ANKS1B: variants seen among roughly 807,000 people sequenced by gnomAD.
ANKS1B encodes the protein ankyrin repeat and sterile alpha motif domain-containing protein 1B.
In ANKS1B, 36 loss-of-function variants were observed where a neutral mutation model predicts 148.3. That is an observed-to-expected ratio of 0.24 (90% CI 0.19 to 0.32). ANKS1B has a LOEUF of 0.32. Among genes scored for constraint, ANKS1B ranks in the 10% least tolerant of loss-of-function variants. The pLI, the probability that ANKS1B is intolerant of heterozygous loss-of-function variation, is 1.00. For missense variants in ANKS1B, 1,157 were observed against 1,542.6 expected (o/e 0.75, Z 4.19); for synonymous variants, 542 against 560.8 (o/e 0.97, Z 0.47).
At chr12:99,324,804 A>G (rs905854484) in intron 12 of ANKS1B, among the ~76,000 whole-genome samples, 1 of 151,788 alleles carries the variant, frequency 6.6e-6, no homozygotes, top group Non-Finnish European at 1.5e-5. Context: ...TTTTTTTTCT[A>G]AAAAGAAATA....
chr12:99,388,569 A>G (rs1424458236), intron 12 of ANKS1B, among the ~76,000 whole-genome samples: 4 of 152,200 alleles, frequency 2.6e-5, no homozygotes, highest in Non-Finnish European at 5.9e-5. Flanking sequence ...CTGCCTCTCC[A>G]TAATATGGCA....
intron 8 of ANKS1B, among the ~76,000 whole-genome samples, chr12:99,744,820 T>C (rs955378358): frequency 4.0e-5 from 6 of 151,786 alleles, no homozygotes; most frequent in African/African-American, 1.5e-4. Context: ...GGTGAAACCC[T>C]GTCTCTATTA....
chr12:99,298,908 A>G (rs919554364), intron 12 of ANKS1B, among the ~76,000 whole-genome samples: 2 of 152,196 alleles, frequency 1.3e-5, no homozygotes, highest in Non-Finnish European at 2.9e-5. Context: ...TTCTGTTTTT[A>G]TAGACATTTC....
intron 17 of ANKS1B, among the ~76,000 whole-genome samples, chr12:98,863,052 G>T (rs2099607409): frequency 6.6e-6 from 1 of 152,172 alleles, no homozygotes; most frequent in Admixed American, 6.5e-5. Flanking sequence ...ATCACTGGGG[G>T]TTCTCACCAA....
chr12:99,801,119 G>C (rs2066896460), intron 4 of ANKS1B, among the ~76,000 whole-genome samples: 2 of 152,006 alleles, frequency 1.3e-5, no homozygotes, highest in South Asian at 4.2e-4. Flanking sequence ...TTGAGGCTTG[G>C]TTTTGTGACC....
chr12:99,323,319 T>C (rs1443252933), intron 12 of ANKS1B, among the ~76,000 whole-genome samples: 1 of 152,228 alleles, frequency 6.6e-6, no homozygotes, highest in Non-Finnish European at 1.5e-5. Context: ...ATAATACCTA[T>C]GAGTAATTAA....
At chr12:99,652,128 G>A (rs960133695) in intron 9 of ANKS1B, among the ~76,000 whole-genome samples, 3 of 150,894 alleles carry the variant, frequency 2.0e-5, no homozygotes, top group Non-Finnish European at 4.4e-5. Flanking sequence ...CTAAAGGATA[G>A]CCCTTAAACA....
intron 12 of ANKS1B, among the ~76,000 whole-genome samples, chr12:99,380,983 A>G (rs1170159722): frequency 6.6e-6 from 1 of 152,196 alleles, no homozygotes; most frequent in African/African-American, 2.4e-5. Context: ...TCCTTATAAG[A>G]AGAGGAGAGG....
intron 25 of ANKS1B, among the ~76,000 whole-genome samples, chr12:98,770,360 G>T (rs543220707): frequency 3.9e-5 from 6 of 152,330 alleles, no homozygotes; most frequent in Admixed American, 3.9e-4. Flanking sequence ...ATGTGAACAG[G>T]ATGAAATTTG....
chr12:99,212,605 G>T (rs1237939900), intron 14 of ANKS1B, among the ~76,000 whole-genome samples: 1 of 152,160 alleles, frequency 6.6e-6, no homozygotes, highest in Non-Finnish European at 1.5e-5. Context: ...TTCATTGAAT[G>T]AATATTAATT....
chr12:99,644,517 T>C lies in ANKS1B; in HGVS notation c.1272+10550A>G, dbSNP rs550960420. 2.3e-3 allele frequency among the ~76,000 whole-genome samples: 348 copies of C among 152,320 alleles called. 1 individual carries two copies. The highest frequency in any genetic ancestry group is 6.8e-3 in the Middle Eastern group (2 of 294). ...TCTGAGCCCTTATTAGCGGCATCTT[T>C]AATGTCCATATTTCTGTTCAAGGCA... On this transcript the variant is annotated intron_variant, in intron 9 of 26. Coordinates refer to ENST00000683438, the MANE Select transcript of ANKS1B (RefSeq NM_001352186.2).
At chr12:99,872,374 G>A (rs1039879525) in intron 1 of ANKS1B, among the ~76,000 whole-genome samples, 1 of 151,966 alleles carries the variant, frequency 6.6e-6, no homozygotes, top group African/African-American at 2.4e-5. Context: ...TCATAAAGCT[G>A]TATACTTACA....
At chr12:99,983,131 A>C (rs1403141138) in intron 1 of ANKS1B, among the ~76,000 whole-genome samples, 2 of 152,196 alleles carry the variant, frequency 1.3e-5, no homozygotes, top group African/African-American at 4.8e-5. Context: ...CGAAGATATG[A>C]ATGACAATTG....
chr12:99,249,500 T>G (rs2074294361), intron 12 of ANKS1B, among the ~76,000 whole-genome samples: 1 of 152,216 alleles, frequency 6.6e-6, no homozygotes, highest in African/African-American at 2.4e-5. Flanking sequence ...GTTTTTTGAA[T>G]AGCAGTTCTT....
chr12:98,880,684 C>T (rs1360390325), intron 17 of ANKS1B, among the ~76,000 whole-genome samples: 4 of 152,070 alleles, frequency 2.6e-5, no homozygotes, highest in Admixed American at 6.6e-5. Context: ...AGGAGAATGG[C>T]GTGAACCCGG....
At chr12:99,713,226 T>C (rs1054833544) in intron 8 of ANKS1B, among the ~76,000 whole-genome samples, 7 of 152,198 alleles carry the variant, frequency 4.6e-5, no homozygotes, top group African/African-American at 1.7e-4. Context: ...AACACTTTTC[T>C]GTGTGATTAA....
At chr12:98,945,463 C>T (rs2153042392) in intron 17 of ANKS1B, among the ~76,000 whole-genome samples, 1 of 138,342 alleles carries the variant, frequency 7.2e-6, no homozygotes. Context: ...TCAATGCACA[C>T]CAGCCTGGGC....
chr12:98,953,537 G>GTTTTTTTTTTTTTTTTTTTTTTTTTTTT (rs1166158783), intron 17 of ANKS1B, among the ~76,000 whole-genome samples: 3 of 57,456 alleles, frequency 5.2e-5, no homozygotes, highest in African/African-American at 2.2e-4. Context: ...ATCTAGAGTG[G>GTTTTTTTTTTTTTTTTTTTTTTTTTTTT]TTTTTTTTTT....
At chr12:99,057,634 C>T (rs1006592992) in intron 16 of ANKS1B, among the ~76,000 whole-genome samples, 46 of 152,160 alleles carry the variant, frequency 3.0e-4, no homozygotes, top group Non-Finnish European at 4.4e-5. Flanking sequence ...GAATTATGCC[C>T]CTGTGCCCTT....
Sources: gnomAD v4.1 joint callset for allele counts (sites outside exome capture counted in the v4.1 genomes callset) on GRCh38, gnomAD v4.1.1 for gene constraint, MANE v1.5 for transcripts, NCBI Gene and HGNC (gene_info 2026-07-23, HGNC 2026-07-21) for gene names.